Variants in ZNF385D observed in about 807,000 individuals in gnomAD.
ZNF385D encodes zinc finger protein 659.
A neutral mutation model predicts 35.8 loss-of-function variants in ZNF385D; 15 were observed. That is an observed-to-expected ratio of 0.42 (90% CI 0.28 to 0.64). The LOEUF is 0.64. Ranked by LOEUF, ZNF385D falls within the 30% of genes least tolerant of loss-of-function variation. The pLI, the probability that ZNF385D is intolerant of heterozygous loss-of-function variation, is 0.23. For missense variants in ZNF385D, 474 were observed against 494.6 expected, an observed-to-expected ratio of 0.96 and a Z score of 0.39; for synonymous variants, 212 against 186.8, an observed-to-expected ratio of 1.13 and a Z score of -1.10.
intron 3 of ZNF385D, among the ~76,000 whole-genome samples, chr3:21,966,858 G>A (rs1702943446): frequency 1.3e-5 from 2 of 152,200 alleles, no homozygotes; most frequent in Admixed American, 6.5e-5. Flanking sequence ...AAGGATTATA[G>A]GGATTATAGC....
rs546069922 is a variant in ZNF385D at position 22,241,746 on chromosome 3, A to C, written c.107-72711T>G. Among the ~76,000 whole-genome samples the C allele has an allele frequency of 3.3e-5, 5 of 150,956 alleles. 1 individual carries two copies. Among genetic ancestry groups the C allele is most frequent in the African/African-American group, 1.2e-4 (5 of 40,830 alleles). ...AACTTAGTTTAGACTGAGGTGAGAAATACCTAAAAAAAACCTTTTTTTTCT... is the reference window on the plus strand; with the variant it reads ...AACTTAGTTTAGACTGAGGTGAGAACTACCTAAAAAAAACCTTTTTTTTCT... On this transcript the variant is annotated intron_variant, in intron 2 of 5. Coordinates refer to the ZNF385D transcript ENST00000494108.
At chr3:22,103,159 G>A (rs751887544) in intron 3 of ZNF385D, among the ~76,000 whole-genome samples, 6 of 148,088 alleles carry the variant, frequency 4.1e-5, no homozygotes, top group Admixed American at 1.3e-4. Context: ...AAGATACTGC[G>A]GTTGTACAAA....
chr3:21,874,255 G>A (rs1289587046), intron 3 of ZNF385D, among the ~76,000 whole-genome samples: 1 of 151,904 alleles, frequency 6.6e-6, no homozygotes, highest in Non-Finnish European at 1.5e-5. Flanking sequence ...GTTTAATGAT[G>A]TTGAGCATCT....
intron 3 of ZNF385D, among the ~76,000 whole-genome samples, chr3:21,766,260 G>C (rs1012246661): frequency 2.6e-5 from 4 of 152,086 alleles, no homozygotes; most frequent in Admixed American, 2.6e-4. Context: ...AGAAAGATGA[G>C]AGTAATGTAT....
chr3:22,335,941 T>C (rs1306642904), intron 2 of ZNF385D, among the ~76,000 whole-genome samples: 2 of 152,152 alleles, frequency 1.3e-5, no homozygotes, highest in Non-Finnish European at 2.9e-5. Context: ...TTTATATTTT[T>C]ATTTTGGGAC....
chr3:21,631,269 A>G (rs1297125721), intron 2 of ZNF385D, among the ~76,000 whole-genome samples: 1 of 152,066 alleles, frequency 6.6e-6, no homozygotes, highest in Middle Eastern at 3.2e-3. Context: ...ACAGATTAAG[A>G]GTTCTCCTCT....
At chr3:21,672,600 G>A (rs1193001105) in intron 1 of ZNF385D, among the ~76,000 whole-genome samples, 2 of 152,074 alleles carry the variant, frequency 1.3e-5, no homozygotes, top group East Asian at 1.9e-4. Flanking sequence ...TCAGTGATTC[G>A]ATCTTTTCCC....
Position 21,863,190 on chromosome 3 carries a change from A to C in ZNF385D, c.326-198162T>G, listed in dbSNP as rs76087155. On this transcript the variant is annotated intron_variant, in intron 3 of 5. Transcript: ENST00000494108. ...AATAATTTACTGATATTGAACTAGA[A>C]GTTTCATTAAAAAGAGCTAAAACAA... Among the ~76,000 whole-genome samples, 1,256 of 152,278 alleles carry C rather than the reference A, an allele frequency of 8.2e-3. 18 individuals carry two copies. The highest frequency in any genetic ancestry group is 0.028 in the African/African-American group (1,180 of 41,572).
chr3:22,133,686 A>C (rs1703937369), intron 3 of ZNF385D: 1 of 152,018 alleles, frequency 6.6e-6, no homozygotes, highest in Non-Finnish European at 1.5e-5. Flanking sequence ...TATATCAAGC[A>C]ACTATCAGAA....
At chr3:22,124,898 C>G (rs191793026) in intron 3 of ZNF385D, among the ~76,000 whole-genome samples, 1 of 152,102 alleles carries the variant, frequency 6.6e-6, no homozygotes, top group Non-Finnish European at 1.5e-5. Flanking sequence ...GTTTCCTTGG[C>G]TGCATAGAAG....
At chr3:22,265,918 T>A (rs1182106289) in intron 2 of ZNF385D, among the ~76,000 whole-genome samples, 1 of 151,964 alleles carries the variant, frequency 6.6e-6, no homozygotes. Flanking sequence ...TAAGTTATGA[T>A]CTGAACCCAG....
chr3:22,148,463 C>A (rs1012572277), intron 3 of ZNF385D, among the ~76,000 whole-genome samples: 3 of 152,168 alleles, frequency 2.0e-5, no homozygotes, highest in Admixed American at 2.0e-4. Context: ...TGTGAAACTA[C>A]TGAAGGATGG....
chr3:22,118,024 A>T (rs1260123997), intron 3 of ZNF385D, among the ~76,000 whole-genome samples: 7 of 152,076 alleles, frequency 4.6e-5, no homozygotes, highest in Non-Finnish European at 1.0e-4. Context: ...TTTAAATAAA[A>T]CCTGTGATTT....
intron 2 of ZNF385D, among the ~76,000 whole-genome samples, chr3:21,603,377 A>C (rs543463438): frequency 7.5e-6 from 1 of 133,366 alleles, no homozygotes; most frequent in African/African-American, 3.3e-5. Context: ...CAGACCCAGC[A>C]ATTCTGCTTC....
chr3:22,110,800 GA>G (rs1480583615), intron 3 of ZNF385D, among the ~76,000 whole-genome samples: 3 of 144,310 alleles, frequency 2.1e-5, no homozygotes, highest in Non-Finnish European at 3.1e-5. Context: ...AAAAAAAAAA[GA>G]AAAAAATGTC....
rs1360965203 is a variant in ZNF385D at position 22,238,804 on chromosome 3, C to A, written c.107-69769G>T. 2.0e-5 allele frequency among the ~76,000 whole-genome samples: 3 copies of A among 150,802 alleles called. 1 individual carries two copies. The highest frequency in any genetic ancestry group is 2.0e-4 in the East Asian group (1 of 5,122). ...CTGAGGTATAGTGTTGTGAACAGGG[C>A]TCACTGCAGCCTTGAACTCCTAGGT... is the stretch of plus-strand genomic sequence containing the variant. On this transcript the variant is annotated intron_variant, in intron 2 of 5. Coordinates refer to the ZNF385D transcript ENST00000494108.
intron 2 of ZNF385D, among the ~76,000 whole-genome samples, chr3:22,173,736 A>G (rs1694625602): frequency 6.6e-6 from 1 of 152,094 alleles, no homozygotes; most frequent in South Asian, 2.1e-4. Context: ...ACCTTCTCCT[A>G]TCTTCTTACT....
chr3:22,223,993 A>G (rs143489575), intron 2 of ZNF385D, among the ~76,000 whole-genome samples: 5 of 152,174 alleles, frequency 3.3e-5, no homozygotes, highest in African/African-American at 4.8e-5. Flanking sequence ...GGTTCATAGA[A>G]TAACTCCACA....
chr3:21,498,857 C>T (rs1239714367), intron 4 of ZNF385D, among the ~76,000 whole-genome samples: 8 of 143,594 alleles, frequency 5.6e-5, no homozygotes, highest in African/African-American at 7.7e-5. Context: ...GCAGGAGAAT[C>T]GCTTGAACCT....
Sources: allele counts gnomAD v4.1 joint callset (sites outside exome capture counted in the v4.1 genomes callset), GRCh38; gene constraint gnomAD v4.1.1; transcripts MANE v1.5; gene names NCBI Gene and HGNC (gene_info 2026-07-23, HGNC 2026-07-21).